Variants in ACR observed in about 807,000 individuals in gnomAD.
The protein encoded by ACR is acrosin.
Under a neutral mutation model 26.0 loss-of-function variants are expected in ACR, and 17 were observed. The observed-to-expected ratio is 0.65, with a 90% CI of 0.45 to 0.98. ACR has a LOEUF of 0.98. Among genes scored for constraint, ACR ranks in the 50% least tolerant of loss-of-function variants. The pLI is 0.00. For missense variants in ACR, 435 were observed against 519.3 expected, an observed-to-expected ratio of 0.84 and a Z score of 1.58; for synonymous variants, 199 against 207.7, an observed-to-expected ratio of 0.96 and a Z score of 0.36.
At chr22:50,740,408 TCCAAGCTGAC>T in intron 3 of ACR, 1 of 600,876 alleles carries the variant, frequency 1.7e-6, no homozygotes, top group Non-Finnish European at 3.0e-6. Context: ...TCAGATGGTC[TCCAAGCTGAC>T]CATTTCCTAA....
intron 4 of ACR, 63 bp from the exon 5 acceptor site, chr22:50,744,590 G>C (rs1331577353): frequency 6.6e-7 from 1 of 1,523,752 alleles, no homozygotes; most frequent in Non-Finnish European, 8.8e-7. Context: ...AGAGCCTTCC[G>C]ACCCCTCTGG....
chr22:50,740,605 C>T (rs1204853813), intron 3 of ACR: 4 of 702,416 alleles, frequency 5.7e-6, no homozygotes, highest in Admixed American at 4.0e-5. Context: ...GGGTCATAGG[C>T]ATCCCTGTAT....
intron 4 of ACR, 32 bp from the exon 5 acceptor site, chr22:50,744,621 G>A (rs748292755): frequency 3.9e-5 from 62 of 1,594,006 alleles, no homozygotes; most frequent in Non-Finnish European, 5.3e-5. Context: ...AGTGGCTCAG[G>A]CAGATAGTGA....
chr22:50,738,863 C>T (rs540839773), intron 1 of ACR, among the ~76,000 whole-genome samples: 257 of 152,130 alleles, frequency 1.7e-3, no homozygotes, highest in Non-Finnish European at 2.7e-3. Flanking sequence ...TCACTGTCAA[C>T]GACCCCCTTC....
rs568537912 is a variant in ACR at position 50,745,319 on chromosome 22, G to C, written c.*112G>C. The stretch of plus-strand genomic sequence containing the variant: ...GATATACACACACACATATCTGTAT[G>C]TATACATGCATATACATCAAGAGAT... On this transcript the variant is annotated 3_prime_UTR_variant, in exon 5 of 5. Coordinates refer to ENST00000216139, the MANE Select transcript of ACR (RefSeq NM_001097.3). 5.7e-5 allele frequency: 66 copies of C among 1,162,442 alleles called. No individual in the cohort carries two copies. In the East Asian group the frequency reaches 1.8e-3, roughly 31 times the overall value. 72.0% of individuals were successfully genotyped at this position (1,162,442 alleles called of 1,614,324 possible).
intron 3 of ACR, among the ~76,000 whole-genome samples, chr22:50,741,577 G>C (rs529962453): frequency 6.6e-6 from 1 of 151,660 alleles, no homozygotes; most frequent in African/African-American, 2.4e-5. Context: ...TTTTGTTCTG[G>C]AATTCCCATA....
chr22:50,738,210 C>CT lies in ACR; in HGVS notation c.-24dup. The stretch of plus-strand genomic sequence containing the variant: ...CACGGAGCTTTGTGAGGTCACTAGG[C>CT]TTGCAGGCCAGGCAGTGCCAGGAGT... On this transcript the variant is annotated 5_prime_UTR_variant, in exon 1 of 5. Transcript: ENST00000216139. 1 of 1,613,014 alleles carries CT rather than the reference C, an allele frequency of 6.2e-7. No homozygotes were observed. Among genetic ancestry groups the CT allele is most frequent in the Non-Finnish European group, 8.5e-7 (1 of 1,178,980 alleles).
At chr22:50,740,491 A>C (rs1603447597) in intron 3 of ACR, 1 of 648,842 alleles carries the variant, frequency 1.5e-6, no homozygotes, top group Non-Finnish European at 2.8e-6. Context: ...ATCAGCAGCC[A>C]CCTCCGGTGC....
intron 3 of ACR, chr22:50,743,525 T>G (rs2083436125): frequency 6.3e-6 from 1 of 157,530 alleles, no homozygotes; most frequent in Non-Finnish European, 1.4e-5. Context: ...GCCGAGGAGT[T>G]CTGAAGAGGG....
intron 3 of ACR, among the ~76,000 whole-genome samples, chr22:50,742,100 C>T (rs1235090518): frequency 6.6e-6 from 1 of 151,988 alleles, no homozygotes; most frequent in African/African-American, 2.4e-5. Flanking sequence ...CACGCCACTG[C>T]ACTCCAGCCT....
In ACR at chr22:50,738,427, C is replaced by T. The variant is rs980757250; in HGVS notation, c.77+115C>T. On this transcript the variant is annotated intron_variant, in intron 1 of 4. Coordinates refer to ENST00000216139, the MANE Select transcript of ACR (RefSeq NM_001097.3). ...GCTGCATCCCTAACCTGGACCCCCC[C>T]TGCTCCCAGAATCAGCAGCCTGGAG... The T allele has an allele frequency of 2.8e-6, 3 of 1,082,642 alleles. No homozygotes were observed. In the African/African-American group the frequency reaches 4.7e-5, roughly 17 times the overall value. The allele number at this position is 1,082,642 out of a possible 1,614,324, so 67.1% of individuals were successfully genotyped here.
At chr22:50,742,136 CA>C (rs1011695892) in intron 3 of ACR, among the ~76,000 whole-genome samples, 18 of 150,810 alleles carry the variant, frequency 1.2e-4, no homozygotes, top group African/African-American at 3.4e-4. Flanking sequence ...AACTTCATCT[CA>C]AAAAAAACCC....
chr22:50,739,834 A>G lies in ACR; in HGVS notation c.422A>G (p.Asn141Ser). ...AAATACAACTCTGCGACAGAGGGAA[A>G]TGACATTGCCCTCGTGGAGATCACC... is the stretch of plus-strand genomic sequence containing the variant. ...HEKYNSATEG[N>S]DIALVEITPP... Residue 141 changes from asparagine (N) to serine (S), a missense_variant, in exon 3 of 5, where the codon AAT becomes AGT. Asn to Ser is a conservative substitution (Grantham distance 46). Transcript: ENST00000216139. This position sits in a 1 kb window ranked among gnomAD's most constrained non-coding sequence, Gnocchi z 5.5. The G allele has an allele frequency of 6.2e-7, 1 of 1,611,704 alleles. No homozygotes were observed. Among genetic ancestry groups the G allele is most frequent in the Non-Finnish European group, 8.5e-7 (1 of 1,178,750 alleles).
rs2083438226 is a variant in ACR at position 50,744,049 on chromosome 22, G to A, written c.566-12G>A. On this transcript the variant is annotated splice_polypyrimidine_tract_variant and intron_variant, in intron 3 of 4. Coordinates refer to ENST00000216139, the MANE Select transcript of ACR (RefSeq NM_001097.3). ...TCCCGTGATCACTGACCACCGAGTG[G>A]TCTGACTATAGCCCCCAGGCCATCA... 1 of 1,569,080 alleles carries A rather than the reference G, an allele frequency of 6.4e-7. No individual in the cohort carries two copies. Among genetic ancestry groups the A allele is most frequent in the East Asian group, 2.2e-5 (1 of 44,782 alleles).
chr22:50,741,360 G>A (rs1484618769), intron 3 of ACR, among the ~76,000 whole-genome samples: 2 of 151,712 alleles, frequency 1.3e-5, no homozygotes. Flanking sequence ...TCCAGCTGCC[G>A]ATACCCATGG....
chr22:50,744,709 C>A lies in ACR; in HGVS notation c.768C>A (p.Val256=). 1 of 1,613,394 alleles carries A rather than the reference C, an allele frequency of 6.2e-7. No homozygotes were observed. Among genetic ancestry groups the A allele is most frequent in the Non-Finnish European group, 8.5e-7 (1 of 1,179,806 alleles). The change falls in exon 5 of 5, where the codon GTC becomes GTA. Residue 256 remains valine, a synonymous_variant. Transcript: ENST00000216139. ...CKDSKESAYV[V]VGITSWGVGC... Reference sequence around the variant, plus strand: ...ACAGCAAGGAAAGCGCCTATGTGGTCGTGGGAATCACAAGCTGGGGGGTAG... The same window carrying A: ...ACAGCAAGGAAAGCGCCTATGTGGTAGTGGGAATCACAAGCTGGGGGGTAG...
intron 4 of ACR, 197 bp downstream of exon 4, chr22:50,744,403 C>G (rs2083440052): frequency 3.1e-6 from 2 of 640,906 alleles, no homozygotes; most frequent in African/African-American, 3.7e-5. Flanking sequence ...CCACCGGCTG[C>G]CCCTGCCATG....
At chr22:50,738,992 G>A (rs12165648) in intron 1 of ACR, among the ~76,000 whole-genome samples, 6,596 of 152,188 alleles carry the variant, frequency 0.043, 328 homozygotes, top group African/African-American at 0.12. Context: ...GCCCAGGGAC[G>A]GGCCATCCCT....
intron 3 of ACR, among the ~76,000 whole-genome samples, chr22:50,742,301 T>C (rs888911834): frequency 3.9e-5 from 6 of 152,086 alleles, no homozygotes; most frequent in African/African-American, 1.4e-4. Context: ...TCCCAGCACT[T>C]TGGGAGGCCA....
Sources: allele counts gnomAD v4.1 joint callset (sites outside exome capture counted in the v4.1 genomes callset), GRCh38; gene constraint gnomAD v4.1.1; non-coding constraint Gnocchi (gnomAD v3.1); transcripts MANE v1.5; gene names NCBI Gene and HGNC (gene_info 2026-07-23, HGNC 2026-07-21).